The following TRAF3IP1 variants were observed in gnomAD, a reference collection of about 807,000 sequenced individuals.
TRAF3IP1 encodes intraflagellar transport 54, also known as TRAF3-interacting protein 1.
A neutral mutation model predicts 89.9 loss-of-function variants in TRAF3IP1; 53 were observed. The ratio of observed to expected loss-of-function variants is 0.59; its 90% confidence interval spans 0.47 to 0.74. TRAF3IP1 has a LOEUF of 0.74. TRAF3IP1 is among the 30% of genes least tolerant of loss of function. The pLI is 0.00. For synonymous variants in TRAF3IP1, 311 were observed against 322.1 expected, an observed-to-expected ratio of 0.97 and a Z score of 0.37; for missense variants, 806 against 866.1, an observed-to-expected ratio of 0.93 and a Z score of 0.87.
At chr2:238,356,757 T>C (rs888577634) in intron 15 of TRAF3IP1, among the ~76,000 whole-genome samples, 3 of 151,486 alleles carry the variant, frequency 2.0e-5, no homozygotes, top group Non-Finnish European at 4.4e-5. Context: ...CCTGGCTGAT[T>C]GCAAAGTAAG....
chr2:238,330,396 C>T (rs1698061771), intron 5 of TRAF3IP1, among the ~76,000 whole-genome samples: 1 of 152,210 alleles, frequency 6.6e-6, no homozygotes, highest in South Asian at 2.1e-4. Context: ...GACGTTTTCC[C>T]AGACACCCAG....
chr2:238,398,972 A>G lies in TRAF3IP1; in HGVS notation c.*53A>G. On this transcript the variant is annotated 3_prime_UTR_variant, in exon 17 of 17. Coordinates refer to ENST00000373327, the MANE Select transcript of TRAF3IP1 (RefSeq NM_015650.4). ...TCACCTCAGTTTAAAAGCAAAAAGG[A>G]AGATAGAAAATCATTACTCTTTTAA... 6.7e-7 allele frequency: 1 copy of G among 1,486,422 alleles called. No homozygotes were observed. The highest frequency in any genetic ancestry group is 1.3e-5 in the South Asian group (1 of 76,378). 92.1% of individuals were successfully genotyped at this position (1,486,422 alleles called of 1,614,324 possible). A position where few individuals can be genotyped will look rare whatever the true frequency, so the allele number is the denominator to read the frequency against.
chr2:238,356,259 G>A (rs1312511010), intron 15 of TRAF3IP1, among the ~76,000 whole-genome samples, 179 bp downstream of exon 15: 3 of 152,210 alleles, frequency 2.0e-5, no homozygotes, highest in African/African-American at 4.8e-5. Flanking sequence ...CACCTTGGGA[G>A]GCCAGCGCAG....
chr2:238,380,023 G>A (rs1700478487), intron 15 of TRAF3IP1, among the ~76,000 whole-genome samples: 1 of 152,200 alleles, frequency 6.6e-6, no homozygotes, highest in Non-Finnish European at 1.5e-5. Flanking sequence ...GAGATGGAAA[G>A]GGATTCTAAA....
rs1441292697 is a variant in TRAF3IP1 at position 238,351,858 on chromosome 2, TGTGTGTGTGCGCGCGCGCGCGTGTGC to T, written c.1452-965_1452-940del. On this transcript the variant is annotated intron_variant, in intron 12 of 16. Transcript: ENST00000373327. This position sits in a 1 kb window ranked among gnomAD's most constrained non-coding sequence, Gnocchi z 5.2. ...TGGTGTGTGTGTGTGTGTGTGTGTG[TGTGTGTGTGCGCGCGCGCGCGTGTGC>T]GTGCATGTGCTTGTGTGTATGCGTG... is the stretch of plus-strand genomic sequence containing the variant. Among the ~76,000 whole-genome samples the T allele has an allele frequency of 9.5e-6, 1 of 104,786 alleles. No homozygotes were observed. Among genetic ancestry groups the T allele is most frequent in the Admixed American group, 8.7e-5 (1 of 11,516 alleles). 68.7% of individuals were successfully genotyped at this position (104,786 alleles called of 152,430 possible).
chr2:238,340,542 A>G (rs1236584420), intron 8 of TRAF3IP1, among the ~76,000 whole-genome samples: 3 of 152,170 alleles, frequency 2.0e-5, no homozygotes, highest in Non-Finnish European at 1.5e-5. Context: ...CAAAACATGA[A>G]CAATTTCTTC....
chr2:238,377,230 C>CT (rs71402784), intron 15 of TRAF3IP1, among the ~76,000 whole-genome samples: 48,883 of 86,230 alleles, frequency 0.57, 15,680 homozygotes, highest in Non-Finnish European at 0.65. Context: ...TCCTGATTTT[C>CT]TTTTTTTTTT....
intron 15 of TRAF3IP1, among the ~76,000 whole-genome samples, chr2:238,381,666 G>A (rs1188576147): frequency 2.0e-5 from 3 of 152,162 alleles, no homozygotes; most frequent in Non-Finnish European, 4.4e-5. Flanking sequence ...GTCCCTGATG[G>A]GATCCTCGAA....
intron 15 of TRAF3IP1, among the ~76,000 whole-genome samples, chr2:238,370,203 GTATA>G (rs1700048645): frequency 6.6e-6 from 1 of 152,018 alleles, no homozygotes; most frequent in African/African-American, 2.4e-5. Flanking sequence ...ATGTATGTGT[GTATA>G]TATGTGAACG....
chr2:238,387,908 G>T (rs1334308242), intron 15 of TRAF3IP1, among the ~76,000 whole-genome samples: 2 of 152,048 alleles, frequency 1.3e-5, no homozygotes, highest in Non-Finnish European at 2.9e-5. Flanking sequence ...GCAAGACCTT[G>T]TTTCTGCAAA....
chr2:238,399,654 T>C lies in TRAF3IP1; in HGVS notation c.*735T>C, dbSNP rs2106390107. On this transcript the variant is annotated 3_prime_UTR_variant, in exon 17 of 17. Transcript: ENST00000373327. ...CACTTTCTTCCGCAGTTTACCCTGG[T>C]TTTCCTCAGACAGAGGCTAGCGCAG... 6.6e-6 allele frequency: 1 copy of C among 152,170 alleles called. No individual in the cohort carries two copies. Among genetic ancestry groups the C allele is most frequent in the South Asian group, 2.1e-4 (1 of 4,806 alleles). The allele number at this position is 152,170 out of a possible 1,614,324, so 9.4% of individuals were successfully genotyped here.
At chr2:238,322,033 A>T (rs1697574652) in intron 1 of TRAF3IP1, among the ~76,000 whole-genome samples, 1 of 152,202 alleles carries the variant, frequency 6.6e-6, no homozygotes, top group Non-Finnish European at 1.5e-5. Flanking sequence ...AGCCCTGGTC[A>T]TGTCCTCCCA....
chr2:238,326,103 T>C (rs930276170), intron 3 of TRAF3IP1, 133 bp downstream of exon 3: 2 of 805,186 alleles, frequency 2.5e-6, no homozygotes, highest in South Asian at 1.9e-5. Context: ...GTGCTTTGAA[T>C]CTGATCCCAC....
chr2:238,367,850 T>C (rs1699949872), intron 15 of TRAF3IP1, among the ~76,000 whole-genome samples: 1 of 152,220 alleles, frequency 6.6e-6, no homozygotes, highest in Admixed American at 6.5e-5. Flanking sequence ...GGCTCCAGCA[T>C]GCCCCAGGCC....
At chr2:238,320,916 G>A in intron 1 of TRAF3IP1, 131 bp downstream of exon 1, 1 of 789,422 alleles carries the variant, frequency 1.3e-6, no homozygotes, top group Non-Finnish European at 1.7e-6. Context: ...GGCCGGGGCT[G>A]GGCCGGAGTC....
intron 7 of TRAF3IP1, 138 bp from the exon 8 acceptor site, chr2:238,338,224 C>A: frequency 1.9e-6 from 1 of 528,598 alleles, no homozygotes. Context: ...CATGTGGAGG[C>A]TGAGAATTGA....
At chr2:238,344,885 G>A (rs1050357898) in intron 9 of TRAF3IP1, among the ~76,000 whole-genome samples, 4 of 152,066 alleles carry the variant, frequency 2.6e-5, no homozygotes, top group South Asian at 2.1e-4. Context: ...GAAAAGTTTC[G>A]GGGTCACTAC....
intron 15 of TRAF3IP1, among the ~76,000 whole-genome samples, chr2:238,363,405 G>T (rs1264145110): frequency 6.6e-6 from 1 of 152,060 alleles, no homozygotes; most frequent in African/African-American, 2.4e-5. Context: ...ATTTTAATAT[G>T]AAGTACTTTG....
intron 15 of TRAF3IP1, among the ~76,000 whole-genome samples, chr2:238,387,076 A>G (rs1700803981): frequency 6.6e-6 from 1 of 152,362 alleles, no homozygotes; most frequent in Non-Finnish European, 1.5e-5. Flanking sequence ...TACAGATGAG[A>G]CAGGCGTTAC....
Sources: allele counts gnomAD v4.1 joint callset (sites outside exome capture counted in the v4.1 genomes callset), GRCh38; gene constraint gnomAD v4.1.1; non-coding constraint Gnocchi (gnomAD v3.1); transcripts MANE v1.5; gene names NCBI Gene and HGNC (gene_info 2026-07-23, HGNC 2026-07-21).